The following ZCCHC7 variants were observed in gnomAD, a reference collection of about 807,000 sequenced individuals.
ZCCHC7 encodes the protein zinc finger CCHC domain-containing protein 7.
ZCCHC7 carries 35 observed loss-of-function variants against 52.0 expected under a neutral mutation model. The observed-to-expected ratio is 0.67, with a 90% CI of 0.51 to 0.89. ZCCHC7 has a LOEUF of 0.89. Among genes scored for constraint, ZCCHC7 ranks in the 40% least tolerant of loss-of-function variants. The pLI is 0.00. For synonymous variants in ZCCHC7, 217 were observed against 221.5 expected (o/e 0.98, Z 0.18); for missense variants, 574 against 649.1 (o/e 0.88, Z 1.26).
At chr9:37,291,584 A>G (rs760287626) in intron 2 of ZCCHC7, among the ~76,000 whole-genome samples, 17 of 152,348 alleles carry the variant, frequency 1.1e-4, no homozygotes, top group Middle Eastern at 6.8e-3. Flanking sequence ...AAGGAAATAG[A>G]TGATATAGAA....
intron 6 of ZCCHC7, among the ~76,000 whole-genome samples, chr9:37,340,435 C>T (rs1820565276): frequency 6.6e-6 from 1 of 151,426 alleles, no homozygotes; most frequent in African/African-American, 2.4e-5. Context: ...ATACAAAAGG[C>T]CTGCTTTTAT....
rs1458368600 is a variant in ZCCHC7, at chr9:37,158,731, C to T, written c.610+31789C>T. Among the ~76,000 whole-genome samples the T allele has an allele frequency of 2.0e-5, 3 of 151,976 alleles. No individual in the cohort carries two copies. In the East Asian group the frequency reaches 5.8e-4, roughly 29 times the overall value. On this transcript the variant is annotated intron_variant, in intron 2 of 8. Transcript: ENST00000336755. ...GTGGTAACCTTTTCATCTTATTCTC[C>T]TTAGAATCCATCAGTAGAAGAATTA...
chr9:37,319,321 T>G (rs1038788320), intron 5 of ZCCHC7, among the ~76,000 whole-genome samples: 1 of 152,240 alleles, frequency 6.6e-6, no homozygotes, highest in African/African-American at 2.4e-5. Flanking sequence ...AGTCCATAGT[T>G]TGTCTTCTTA....
intron 2 of ZCCHC7, among the ~76,000 whole-genome samples, chr9:37,236,915 A>G (rs1346034527): frequency 2.6e-5 from 4 of 152,188 alleles, no homozygotes; most frequent in Admixed American, 6.5e-5. Flanking sequence ...AGGTTGTGTC[A>G]TAGATATTAT....
At chr9:37,139,483 T>A (rs994517344) in intron 2 of ZCCHC7, among the ~76,000 whole-genome samples, 2 of 152,012 alleles carry the variant, frequency 1.3e-5, no homozygotes, top group Non-Finnish European at 2.9e-5. Context: ...GTTGTGTAGA[T>A]TTGGATTCTA....
intron 2 of ZCCHC7, among the ~76,000 whole-genome samples, chr9:37,300,635 T>C (rs1181955162): frequency 6.6e-6 from 1 of 152,156 alleles, no homozygotes. Context: ...CCTGGGAAAA[T>C]GTAGATTACT....
At chr9:37,327,148 A>C (rs1276162864) in intron 5 of ZCCHC7, 4 of 152,062 alleles carry the variant, frequency 2.6e-5, no homozygotes, top group Non-Finnish European at 5.9e-5. Context: ...GTTGTTACCT[A>C]TTCTAGTTTC....
chr9:37,202,870 G>C (rs1823709972), intron 2 of ZCCHC7, among the ~76,000 whole-genome samples: 1 of 152,182 alleles, frequency 6.6e-6, no homozygotes, highest in East Asian at 1.9e-4. Context: ...GGTTGAATAT[G>C]ATTTATTTTT....
In ZCCHC7 at chr9:37,282,390, T is replaced by A. The variant is rs1828000720; in HGVS notation, c.611-19798T>A. Among the ~76,000 whole-genome samples, 3 of 151,756 alleles carry A rather than the reference T, an allele frequency of 2.0e-5. No individual in the cohort carries two copies. In the South Asian group the frequency reaches 6.2e-4, roughly 32 times the overall value. On this transcript the variant is annotated intron_variant, in intron 2 of 8. Transcript: ENST00000336755. Reference sequence around the variant, plus strand: ...AGGCCGAGACAGGCGGATCACTAGGTCAAGGAGATCAAGACCATCCTGGCT... The same window carrying A: ...AGGCCGAGACAGGCGGATCACTAGGACAAGGAGATCAAGACCATCCTGGCT...
chr9:37,357,200 G>T lies in ZCCHC7; in HGVS notation c.1564G>T (p.Glu522Ter). The change falls in exon 9 of 9, where the codon GAG becomes TAG. Residue 522 changes from glutamate to a stop codon, truncating the protein, a stop_gained. Coordinates refer to ENST00000336755, the MANE Select transcript of ZCCHC7 (RefSeq NM_032226.3). LOFTEE classifies it high-confidence loss of function. ...EGKRGKQKKK[E>*]RCWEDDDNDN... ...CAAGAGGGGCAAGCAGAAGAAAAAGGAGAGGTGCTGGGAAGATGATGACAA... is the reference window on the plus strand; with the variant it reads ...CAAGAGGGGCAAGCAGAAGAAAAAGTAGAGGTGCTGGGAAGATGATGACAA... 1 of 1,613,426 alleles carries T rather than the reference G, an allele frequency of 6.2e-7. No homozygotes were observed. Among genetic ancestry groups the T allele is most frequent in the African/African-American group, 1.3e-5 (1 of 74,862 alleles).
intron 2 of ZCCHC7, among the ~76,000 whole-genome samples, chr9:37,262,239 A>AT (rs1826901133): frequency 2.6e-5 from 4 of 151,082 alleles, no homozygotes; most frequent in African/African-American, 9.7e-5. Context: ...TGGTAAAGAG[A>AT]TTTTTTTAGA....
In ZCCHC7 at chr9:37,349,362, A is replaced by G. The variant is rs776350935; in HGVS notation, c.993A>G (p.Lys331=). 2.5e-6 allele frequency: 4 copies of G among 1,614,022 alleles called. No homozygotes were observed. In the South Asian group the frequency reaches 4.4e-5, roughly 18 times the overall value. The change falls in exon 7 of 9, where the codon AAA becomes AAG. Residue 331 remains lysine, a synonymous_variant. Coordinates refer to ENST00000336755, the MANE Select transcript of ZCCHC7 (RefSeq NM_032226.3). ...CACAAATATTCATGTTGCAGACCAAACCTGGACCACCCAAAAAGCCGAAGA... is the reference window on the plus strand; with the variant it reads ...CACAAATATTCATGTTGCAGACCAAGCCTGGACCACCCAAAAAGCCGAAGA... ...EIWRQYHLTT[K]PGPPKKPKTP... is the part of the protein sequence containing the mutation.
intron 5 of ZCCHC7, among the ~76,000 whole-genome samples, chr9:37,324,747 C>T (rs575422321): frequency 6.6e-6 from 1 of 152,224 alleles, no homozygotes; most frequent in African/African-American, 2.4e-5. Flanking sequence ...GGGCTGCGTT[C>T]AAGGGCTCTC....
intron 2 of ZCCHC7, among the ~76,000 whole-genome samples, chr9:37,244,763 G>A (rs1038379490): frequency 3.3e-5 from 5 of 151,800 alleles, no homozygotes; most frequent in Non-Finnish European, 7.4e-5. Flanking sequence ...GGGCCACTGT[G>A]TATTTTTCAT....
intron 2 of ZCCHC7, among the ~76,000 whole-genome samples, chr9:37,133,475 A>T (rs959111036): frequency 6.6e-6 from 1 of 151,794 alleles, no homozygotes; most frequent in Non-Finnish European, 1.5e-5. Flanking sequence ...ACCTGGGTTC[A>T]AGCAGTTCTT....
intron 8 of ZCCHC7, 119 bp from the exon 9 acceptor site, chr9:37,356,716 C>A: frequency 1.1e-6 from 1 of 914,200 alleles, no homozygotes; most frequent in Non-Finnish European, 1.6e-6. Flanking sequence ...TGAGTGATGT[C>A]ATACTGTTAA....
rs375240742 is a variant in ZCCHC7 at position 37,249,738 on chromosome 9, C to T, written c.611-52450C>T. 4.6e-5 allele frequency among the ~76,000 whole-genome samples: 7 copies of T among 152,116 alleles called. No individual in the cohort carries two copies. In the South Asian group the frequency reaches 1.2e-3, roughly 27 times the overall value. On this transcript the variant is annotated intron_variant, in intron 2 of 8. Transcript: ENST00000336755. ...TGCTGGGATTACAGGCATGAGCCAC[C>T]GCGCCCAGCCAGTACATAGATTTTC...
intron 2 of ZCCHC7, among the ~76,000 whole-genome samples, chr9:37,161,513 T>C (rs1461186197): frequency 6.6e-6 from 1 of 151,782 alleles, no homozygotes; most frequent in African/African-American, 2.4e-5. Flanking sequence ...AGGCGGAGCT[T>C]GCAGTGAGCC....
rs142279661 is a variant in ZCCHC7, at chr9:37,187,080, T to A, written c.610+60138T>A. Reference sequence around the variant, plus strand: ...GCATAAAATGTGTATTTTAGTTGAGTCTTTAAATTATTGCTCAGTGTATTT... The same window carrying A: ...GCATAAAATGTGTATTTTAGTTGAGACTTTAAATTATTGCTCAGTGTATTT... On this transcript the variant is annotated intron_variant, in intron 2 of 8. Coordinates refer to ENST00000336755, the MANE Select transcript of ZCCHC7 (RefSeq NM_032226.3). 42 of 164,836 alleles carry A rather than the reference T, an allele frequency of 2.5e-4. No individual in the cohort carries two copies. The East Asian group carries it at 6.7e-3, about 26-fold the overall frequency. The allele number at this position is 164,836 out of a possible 1,614,324, so 10.2% of individuals were successfully genotyped here. A position where few individuals can be genotyped will look rare whatever the true frequency, so the allele number is the denominator to read the frequency against.
Sources: gnomAD v4.1 joint callset for allele counts (sites outside exome capture counted in the v4.1 genomes callset) on GRCh38, gnomAD v4.1.1 for gene constraint, MANE v1.5 for transcripts, NCBI Gene and HGNC (gene_info 2026-07-23, HGNC 2026-07-21) for gene names.